The following RIN2 variants were observed in gnomAD, a reference collection of about 807,000 sequenced individuals.
RIN2 encodes RAB5 interacting protein 2.
A neutral mutation model predicts 78.0 loss-of-function variants in RIN2; 36 were observed. The ratio of observed to expected loss-of-function variants is 0.46; its 90% confidence interval spans 0.35 to 0.61. RIN2 has a LOEUF of 0.61. Among genes scored for constraint, RIN2 ranks in the 20% least tolerant of loss-of-function variants. The probability of loss-of-function intolerance (pLI) is 0.00; values close to 1 mark genes in which losing one functional copy is unlikely to be tolerated. For missense variants in RIN2, 1,087 were observed against 1,159.7 expected, an observed-to-expected ratio of 0.94 and a Z score of 0.91; for synonymous variants, 466 against 466.8, an observed-to-expected ratio of 1.00 and a Z score of 0.02.
chr20:19,975,377 T>C lies in RIN2; in HGVS notation c.1352T>C (p.Phe451Ser). 1 of 1,614,000 alleles carries C rather than the reference T, an allele frequency of 6.2e-7. No individual in the cohort carries two copies. Among genetic ancestry groups the C allele is most frequent in the Non-Finnish European group, 8.5e-7 (1 of 1,179,876 alleles). The change falls in exon 9 of 13, where the codon TTT (phenylalanine) becomes TCT (serine). Residue 451 changes from phenylalanine to serine, a missense_variant. Physicochemically the swap from Phe to Ser is radical, Grantham distance 155 (BLOSUM62 -2). Coordinates refer to ENST00000255006, the MANE Select transcript of RIN2 (RefSeq NM_018993.4). The surrounding 1 kb of genome is among the most constrained non-coding windows in gnomAD (Gnocchi z 4.9). The part of the protein sequence containing the change: ...SLEFDRSMPL[F>S]GYEADTNSSL... ...GAGTTCGACCGGAGCATGCCTCTGT[T>C]TGGCTACGAGGCGGACACCAACAGC...
chr20:19,816,891 A>G (rs1181935120), intron 2 of RIN2, among the ~76,000 whole-genome samples: 1 of 152,240 alleles, frequency 6.6e-6, no homozygotes, highest in Non-Finnish European at 1.5e-5. Context: ...ACTAAAAACA[A>G]GACAATATTA....
chr20:19,844,713 T>TTCCTCTTCC (rs2036724319), intron 2 of RIN2, among the ~76,000 whole-genome samples: 1 of 49,446 alleles, frequency 2.0e-5, no homozygotes, highest in Admixed American at 1.7e-4. Context: ...CTTCTTCTTC[T>TTCCTCTTCC]TCTTCTTCTT....
chr20:19,982,451 G>T (rs1361301430), intron 9 of RIN2, among the ~76,000 whole-genome samples: 2 of 152,116 alleles, frequency 1.3e-5, no homozygotes, highest in African/African-American at 4.8e-5. Context: ...ATATTTTCAA[G>T]ATCCTGCCTT....
At chr20:19,897,483 C>T (rs1418353450) in intron 3 of RIN2, among the ~76,000 whole-genome samples, 1 of 152,136 alleles carries the variant, frequency 6.6e-6, no homozygotes, top group African/African-American at 2.4e-5. Context: ...AAAGGTTTAG[C>T]TGGTCTAAAT....
chr20:19,864,242 C>G (rs1210036080), intron 2 of RIN2, among the ~76,000 whole-genome samples: 1 of 152,118 alleles, frequency 6.6e-6, no homozygotes, highest in Non-Finnish European at 1.5e-5. Context: ...TTTGCAGGGT[C>G]ATGTCCTCTT....
Position 19,788,439 on chromosome 20 carries a change from A to AACAAAAAAAAC in RIN2, c.-162-11182_-162-11181insCAAAAAAAACA, listed in dbSNP as rs1555818734. ...GCGAAATCCTGTCTCTGCCAAAAAA[A>AACAAAAAAAAC]AAAAAAAAAACAACTAGCTAGGCAT... On this transcript the variant is annotated intron_variant, in intron 1 of 12. Transcript: ENST00000255006. Among the ~76,000 whole-genome samples, 2 of 133,034 alleles carry AACAAAAAAAAC rather than the reference A, an allele frequency of 1.5e-5. 1 individual carries two copies. Among genetic ancestry groups the AACAAAAAAAAC allele is most frequent in the South Asian group, 4.7e-4 (2 of 4,242 alleles). The allele number at this position is 133,034 out of a possible 152,430, so 87.3% of individuals were successfully genotyped here.
chr20:19,996,895 G>A, intron 12 of RIN2, 53 bp downstream of exon 12: 1 of 1,505,224 alleles, frequency 6.6e-7, no homozygotes, highest in Non-Finnish European at 8.9e-7. Flanking sequence ...ATGCGGAGCT[G>A]GCTCACCCAG....
intron 4 of RIN2, among the ~76,000 whole-genome samples, chr20:19,947,872 C>T (rs1027328318): frequency 3.9e-5 from 6 of 152,218 alleles, no homozygotes; most frequent in African/African-American, 1.2e-4. Context: ...CTGGGAAAGC[C>T]GGCAAAGCAA....
chr20:19,895,787 A>G (rs1470048801), intron 3 of RIN2: 1 of 152,238 alleles, frequency 6.6e-6, no homozygotes, highest in Non-Finnish European at 1.5e-5. Context: ...CTCTGACACC[A>G]CAAAGACTAG....
At chr20:19,849,741 A>G (rs146384910) in intron 2 of RIN2, among the ~76,000 whole-genome samples, 2 of 152,290 alleles carry the variant, frequency 1.3e-5, no homozygotes, top group East Asian at 1.9e-4. Context: ...AAATAGTTTT[A>G]AAAGGAAGAA....
chr20:19,863,813 G>T (rs2037416960), intron 2 of RIN2, among the ~76,000 whole-genome samples: 1 of 152,006 alleles, frequency 6.6e-6, no homozygotes, highest in Non-Finnish European at 1.5e-5. Flanking sequence ...ATAAAACTGC[G>T]GTTCATCGGT....
chr20:19,811,858 A>AAAAG (rs535645744), intron 2 of RIN2, among the ~76,000 whole-genome samples: 10 of 151,958 alleles, frequency 6.6e-5, no homozygotes, highest in African/African-American at 2.4e-4. Context: ...AAAAAAAAAA[A>AAAAG]GCTTTGTTTG....
chr20:19,982,612 C>G (rs2042493775), intron 9 of RIN2, among the ~76,000 whole-genome samples: 1 of 152,206 alleles, frequency 6.6e-6, no homozygotes, highest in Non-Finnish European at 1.5e-5. Flanking sequence ...GGTCATATTT[C>G]TTAATATCTC....
At chr20:19,819,068 C>G (rs1043830160) in intron 2 of RIN2, among the ~76,000 whole-genome samples, 2 of 152,178 alleles carry the variant, frequency 1.3e-5, no homozygotes, top group Admixed American at 6.5e-5. Context: ...TCCGGAAGGA[C>G]AGATCTTTAA....
At chr20:19,951,786 C>T (rs924764543) in intron 4 of RIN2, among the ~76,000 whole-genome samples, 1 of 152,192 alleles carries the variant, frequency 6.6e-6, no homozygotes, top group South Asian at 2.1e-4. Flanking sequence ...GGAGAGGAAC[C>T]TCATGCTTCC....
At chr20:19,924,803 A>G (rs451470) in intron 3 of RIN2, among the ~76,000 whole-genome samples, 68,717 of 103,850 alleles carry the variant, frequency 0.66, 23,389 homozygotes, top group East Asian at 0.92. Flanking sequence ...GCAGTGGTGC[A>G]ATCTCGGCTC....
At chr20:19,911,328 C>G (rs2039456530) in intron 3 of RIN2, among the ~76,000 whole-genome samples, 1 of 152,198 alleles carries the variant, frequency 6.6e-6, no homozygotes, top group Non-Finnish European at 1.5e-5. Flanking sequence ...GCTGGGATTA[C>G]AGGCGTTGAG....
chr20:19,789,142 G>C (rs1460171609), intron 1 of RIN2, among the ~76,000 whole-genome samples: 2 of 152,114 alleles, frequency 1.3e-5, no homozygotes, highest in Non-Finnish European at 2.9e-5. Flanking sequence ...TACAACAAAG[G>C]CTACACTGCA....
chr20:19,935,756 C>T (rs985755090), intron 4 of RIN2: 11 of 334,728 alleles, frequency 3.3e-5, no homozygotes, highest in Non-Finnish European at 3.8e-5. Context: ...TACTGCACAC[C>T]GTCTGAATAG....
Sources: allele counts gnomAD v4.1 joint callset (sites outside exome capture counted in the v4.1 genomes callset), GRCh38; gene constraint gnomAD v4.1.1; non-coding constraint Gnocchi (gnomAD v3.1); transcripts MANE v1.5; gene names NCBI Gene and HGNC (gene_info 2026-07-23, HGNC 2026-07-21).